RSU1: variants seen among roughly 807,000 people sequenced by gnomAD.
The protein encoded by RSU1 is rsu-1.
Under a neutral mutation model 31.1 loss-of-function variants are expected in RSU1, and 26 were observed. That is an observed-to-expected ratio of 0.84 (90% CI 0.61 to 1.16). RSU1 has a LOEUF of 1.16. RSU1 is among the 50% of genes most tolerant of loss of function. The probability of loss-of-function intolerance (pLI) is 0.00; values close to 1 mark genes in which losing one functional copy is unlikely to be tolerated. For synonymous variants in RSU1, 164 were observed against 136.3 expected (o/e 1.20, Z -1.41); for missense variants, 320 against 339.1 (o/e 0.94, Z 0.44).
intron 7 of RSU1, among the ~76,000 whole-genome samples, chr10:16,731,898 T>A (rs947234777): frequency 6.6e-6 from 1 of 152,178 alleles, no homozygotes; most frequent in Non-Finnish European, 1.5e-5. Context: ...GCCGATATTG[T>A]TGGGACAGGG....
intron 8 of RSU1, among the ~76,000 whole-genome samples, chr10:16,676,147 C>G (rs1835227382): frequency 6.6e-6 from 1 of 152,166 alleles, no homozygotes; most frequent in South Asian, 2.1e-4. Context: ...TGAAGCCCGA[C>G]TACAAAATAA....
intron 8 of RSU1, among the ~76,000 whole-genome samples, chr10:16,598,329 A>G (rs1348561385): frequency 1.3e-5 from 2 of 152,078 alleles, no homozygotes; most frequent in South Asian, 2.1e-4. Flanking sequence ...GCTTGAGGCC[A>G]GGCGTTCACG....
chr10:16,713,235 GTATTTCTGCCAAGAC>G (rs1294282418), intron 7 of RSU1, among the ~76,000 whole-genome samples: 1 of 152,124 alleles, frequency 6.6e-6, no homozygotes, highest in Non-Finnish European at 1.5e-5. Context: ...TCCTATGTCC[GTATTTCTGCCAAGAC>G]TAGGGAAGTT....
At chr10:16,628,147 C>G (rs1396521668) in intron 8 of RSU1, among the ~76,000 whole-genome samples, 1 of 152,228 alleles carries the variant, frequency 6.6e-6, no homozygotes, top group Non-Finnish European at 1.5e-5. Flanking sequence ...TGACAACAAT[C>G]TGCCAATTGA....
intron 8 of RSU1, among the ~76,000 whole-genome samples, chr10:16,602,878 C>T (rs562347475): frequency 3.9e-5 from 6 of 152,168 alleles, no homozygotes; most frequent in South Asian, 2.1e-4. Context: ...AGTGTGAAGC[C>T]GAGATTATTA....
chr10:16,638,098 T>C (rs537041695), intron 8 of RSU1, among the ~76,000 whole-genome samples: 3 of 152,308 alleles, frequency 2.0e-5, no homozygotes, highest in African/African-American at 7.2e-5. Context: ...CGATGTACTT[T>C]TTCATATATT....
intron 3 of RSU1, among the ~76,000 whole-genome samples, chr10:16,777,327 C>T (rs573641882): frequency 1.7e-4 from 26 of 151,090 alleles, no homozygotes; most frequent in Admixed American, 8.6e-4. Flanking sequence ...ATTCTTTCAA[C>T]GTAAGGATAT....
At chr10:16,674,580 C>T (rs1835188772) in intron 8 of RSU1, among the ~76,000 whole-genome samples, 1 of 151,894 alleles carries the variant, frequency 6.6e-6, no homozygotes, top group Non-Finnish European at 1.5e-5. Flanking sequence ...TTGCAGGAGA[C>T]TCCATTCTAA....
intron 2 of RSU1, among the ~76,000 whole-genome samples, chr10:16,801,166 C>G (rs1009468469): frequency 2.0e-5 from 3 of 148,484 alleles, no homozygotes; most frequent in Admixed American, 1.3e-4. Context: ...AATATAGATA[C>G]AACTAAATTA....
At chr10:16,610,466 GC>G (rs1833873272) in intron 8 of RSU1, among the ~76,000 whole-genome samples, 1 of 152,202 alleles carries the variant, frequency 6.6e-6, no homozygotes, top group Non-Finnish European at 1.5e-5. Context: ...AAGCTGGGCT[GC>G]ATAGTAGGTG....
chr10:16,596,312 C>T (rs1011331981), intron 8 of RSU1, among the ~76,000 whole-genome samples: 8 of 152,202 alleles, frequency 5.3e-5, no homozygotes, highest in South Asian at 2.1e-4. Context: ...TCCTCCTCCT[C>T]GGCATCTCTC....
chr10:16,799,112 G>T (rs975497346), intron 2 of RSU1, among the ~76,000 whole-genome samples: 1 of 152,170 alleles, frequency 6.6e-6, no homozygotes, highest in Non-Finnish European at 1.5e-5. Context: ...AGGGCTAAAG[G>T]AGAGACTGTA....
intron 7 of RSU1, among the ~76,000 whole-genome samples, chr10:16,746,645 C>T (rs1189397955): frequency 6.8e-5 from 10 of 147,324 alleles, no homozygotes; most frequent in Admixed American, 2.7e-4. Context: ...CCCCAGGTGA[C>T]GTCACCAGCT....
At position 16,596,405 on chromosome 10, in the gene RSU1, G is replaced by A. The variant is rs190219613; in HGVS notation, c.732-2909C>T. 4.4e-4 allele frequency among the ~76,000 whole-genome samples: 67 copies of A among 152,248 alleles called. No homozygotes were observed. In the East Asian group the frequency reaches 0.01, roughly 24 times the overall value. ...TCATCCTCCAAGCTCCGAAACATGC[G>A]TACTCCTCTAACAGCACCTGCCCTT... On this transcript the variant is annotated intron_variant, in intron 8 of 8. Transcript: ENST00000345264.
At chr10:16,604,587 G>C (rs1833770334) in intron 8 of RSU1, among the ~76,000 whole-genome samples, 1 of 152,150 alleles carries the variant, frequency 6.6e-6, no homozygotes, top group Non-Finnish European at 1.5e-5. Flanking sequence ...AGGGGCTTCT[G>C]TTTCCCATCA....
intron 8 of RSU1, among the ~76,000 whole-genome samples, chr10:16,597,615 C>T (rs148655967): frequency 2.0e-5 from 3 of 152,044 alleles, no homozygotes; most frequent in Non-Finnish European, 4.4e-5. Context: ...AAGCAGTCAG[C>T]GAATGCTTAT....
At chr10:16,640,895 A>G (rs1342709357) in intron 8 of RSU1, among the ~76,000 whole-genome samples, 1 of 152,206 alleles carries the variant, frequency 6.6e-6, no homozygotes, top group Non-Finnish European at 1.5e-5. Context: ...ATAAACATGA[A>G]ACAGGTTCTG....
chr10:16,716,302 G>A (rs1230495231), intron 7 of RSU1, among the ~76,000 whole-genome samples: 1 of 152,166 alleles, frequency 6.6e-6, no homozygotes, highest in Non-Finnish European at 1.5e-5. Context: ...TTCTGTGGGA[G>A]GCTTGGAGCT....
chr10:16,706,399 C>T (rs183571186), intron 7 of RSU1, among the ~76,000 whole-genome samples: 262 of 152,234 alleles, frequency 1.7e-3, no homozygotes, highest in African/African-American at 6.1e-3. Context: ...TATGTACCTT[C>T]CTTGGGAAAA....
Sources: gnomAD v4.1 joint callset for allele counts (sites outside exome capture counted in the v4.1 genomes callset) on GRCh38, gnomAD v4.1.1 for gene constraint, MANE v1.5 for transcripts, NCBI Gene and HGNC (gene_info 2026-07-23, HGNC 2026-07-21) for gene names.